Variants in ME3 observed in about 807,000 individuals in gnomAD.
ME3 encodes the protein NADP-dependent malic enzyme, mitochondrial.
Under a neutral mutation model 68.9 loss-of-function variants are expected in ME3, and 48 were observed. The ratio of observed to expected loss-of-function variants is 0.70; its 90% CI spans 0.55 to 0.89. The LOEUF is 0.89. Ranked by LOEUF, ME3 falls within the 40% of genes least tolerant of loss-of-function variation. The pLI is 0.00. For missense variants in ME3, 675 were observed against 797.4 expected (o/e 0.85, Z 1.85); for synonymous variants, 320 against 318.8 (o/e 1.00, Z -0.04).
rs147642016 is a variant in ME3 at position 86,445,380 on chromosome 11, G to A, written c.1554+934C>T. ...CTGGTGCATGAGGTAGCTCCCTGTG[G>A]GACTCACAGAAGTGGATCCAGACAG... On this transcript the variant is annotated intron_variant, in intron 13 of 14. Transcript: ENST00000543262. Among the ~76,000 whole-genome samples the A allele has an allele frequency of 8.5e-3, 1,299 of 152,316 alleles. 15 individuals are homozygous for A. Among genetic ancestry groups the A allele is most frequent in the Middle Eastern group, 0.017 (5 of 294 alleles).
intron 6 of ME3, among the ~76,000 whole-genome samples, chr11:86,497,311 TAAATG>T (rs1171489020): frequency 1.3e-5 from 2 of 152,086 alleles, no homozygotes; most frequent in Non-Finnish European, 2.9e-5. Context: ...ATCTCAAAGA[TAAATG>T]TAATTAAGAG....
At chr11:86,501,732 G>C (rs966742589) in intron 5 of ME3, among the ~76,000 whole-genome samples, 1 of 152,186 alleles carries the variant, frequency 6.6e-6, no homozygotes, top group Non-Finnish European at 1.5e-5. Flanking sequence ...AAAACGTCCA[G>C]TCTTCTTTGA....
In ME3 at chr11:86,559,837, GA is replaced by G. The variant is rs1479636528; in HGVS notation, c.184-15del. ...AAAGGCCATCCCCTGGGAAAAACAGGAAAAGAACACCCACACATAAGTGCAT... is the reference window on the plus strand; with the variant it reads ...AAAGGCCATCCCCTGGGAAAAACAGGAAAGAACACCCACACATAAGTGCAT... On this transcript the variant is annotated splice_polypyrimidine_tract_variant and intron_variant, in intron 2 of 14. Transcript: ENST00000543262. The G allele has an allele frequency of 6.2e-7, 1 of 1,611,578 alleles. No homozygotes were observed. The highest frequency in any genetic ancestry group is 1.1e-5 in the South Asian group (1 of 90,828).
At chr11:86,480,682 G>A (rs1231145474) in intron 7 of ME3, among the ~76,000 whole-genome samples, 1 of 152,222 alleles carries the variant, frequency 6.6e-6, no homozygotes, top group Admixed American at 6.5e-5. Flanking sequence ...GTACCCAGAT[G>A]TGTGAGTGCT....
At chr11:86,560,722 GTGTATGTGTGTGTGTGTGTGTGTGTGTA>G (rs1212688954) in intron 2 of ME3, among the ~76,000 whole-genome samples, 4 of 74,382 alleles carry the variant, frequency 5.4e-5, no homozygotes, top group Non-Finnish European at 7.6e-5. Context: ...GTGTGTGTGT[GTGTATGTGTGTGTGTGTGTGTGTGTGTA>G]TATATATATA....
intron 4 of ME3, among the ~76,000 whole-genome samples, chr11:86,512,127 C>T (rs548051578): frequency 5.9e-5 from 9 of 152,260 alleles, no homozygotes; most frequent in Non-Finnish European, 1.2e-4. Flanking sequence ...CCATGGTCTT[C>T]GTGAATTGCT....
chr11:86,613,435 C>G (rs1389368780), intron 2 of ME3, among the ~76,000 whole-genome samples: 2 of 152,212 alleles, frequency 1.3e-5, no homozygotes, highest in Non-Finnish European at 2.9e-5. Flanking sequence ...TCTCTCACCA[C>G]TACTTTTCAA....
At chr11:86,628,876 T>C (rs557932927) in intron 2 of ME3, among the ~76,000 whole-genome samples, 29 of 152,280 alleles carry the variant, frequency 1.9e-4, no homozygotes, top group African/African-American at 6.5e-4. Flanking sequence ...AAACGTTACA[T>C]GGAGAGAAAC....
At chr11:86,616,974 T>TAAGG (rs143147903) in intron 2 of ME3, among the ~76,000 whole-genome samples, 10,437 of 148,840 alleles carry the variant, frequency 0.07, 439 homozygotes, top group East Asian at 0.14. Context: ...GAAAACTGGG[T>TAAGG]AAGGGGTATA....
At chr11:86,589,342 G>A (rs1958922654) in intron 2 of ME3, among the ~76,000 whole-genome samples, 1 of 152,096 alleles carries the variant, frequency 6.6e-6, no homozygotes, top group Non-Finnish European at 1.5e-5. Flanking sequence ...AATGGGGGTA[G>A]GGTTGGGGGA....
At chr11:86,470,316 A>G (rs1950715884) in intron 7 of ME3, among the ~76,000 whole-genome samples, 1 of 151,958 alleles carries the variant, frequency 6.6e-6, no homozygotes, top group African/African-American at 2.4e-5. Flanking sequence ...AAAAAAACCC[A>G]CATGCAAGAC....
intron 2 of ME3, among the ~76,000 whole-genome samples, chr11:86,619,295 G>A (rs1565224143): frequency 6.6e-6 from 1 of 152,154 alleles, no homozygotes; most frequent in Non-Finnish European, 1.5e-5. Flanking sequence ...AATCTTGTTG[G>A]TGAAAAATAC....
chr11:86,647,616 A>AT (rs1945112205), intron 2 of ME3, among the ~76,000 whole-genome samples: 2 of 152,340 alleles, frequency 1.3e-5, no homozygotes, highest in South Asian at 4.1e-4. Flanking sequence ...CTAGTCTCTG[A>AT]TAAAAAAAGA....
chr11:86,514,221 C>T (rs1264228549), intron 4 of ME3, among the ~76,000 whole-genome samples: 2 of 152,134 alleles, frequency 1.3e-5, no homozygotes, highest in East Asian at 3.9e-4. Context: ...TGAGGCCTCC[C>T]CAGCCATGTG....
rs200933632 is a variant in ME3, at chr11:86,447,256, C to G, written c.1238-49G>C. 5 of 1,592,034 alleles carry G rather than the reference C, an allele frequency of 3.1e-6. No individual in the cohort carries two copies. The East Asian group carries it at 1.1e-4, about 36-fold the overall frequency. On this transcript the variant is annotated intron_variant, in intron 11 of 14. Transcript: ENST00000543262. ...GGGATGCCTGCTCTCTATAAACAACCCATTCCTCTTCTGCTGGTGGTGGTG... is the reference window on the plus strand; with the variant it reads ...GGGATGCCTGCTCTCTATAAACAACGCATTCCTCTTCTGCTGGTGGTGGTG...
Position 86,475,902 on chromosome 11 carries a change from A to AGAGAG in ME3, c.810-10703_810-10702insCTCTC, listed in dbSNP as rs1565830505. On this transcript the variant is annotated intron_variant, in intron 7 of 14. Coordinates refer to ENST00000543262, the Ensembl canonical transcript of ME3. ...AGAGAGAGAGAGAGAGAGAGAGAGA[A>AGAGAG]AGAGAAAGAGAGAGAGAGAGAGCAG... Among the ~76,000 whole-genome samples, 246 of 93,166 alleles carry AGAGAG rather than the reference A, an allele frequency of 2.6e-3. 3 individuals are homozygous for AGAGAG. Among genetic ancestry groups the AGAGAG allele is most frequent in the African/African-American group, 9.4e-3 (216 of 22,978 alleles). 61.1% of individuals were successfully genotyped at this position (93,166 alleles called of 152,430 possible).
intron 4 of ME3, among the ~76,000 whole-genome samples, chr11:86,521,625 A>C (rs1256207671): frequency 6.6e-6 from 1 of 152,138 alleles, no homozygotes; most frequent in African/African-American, 2.4e-5. Context: ...AGAGACACAG[A>C]ATTTCATGCT....
At chr11:86,660,041 G>T (rs1252110485) in intron 2 of ME3, among the ~76,000 whole-genome samples, 2 of 152,152 alleles carry the variant, frequency 1.3e-5, no homozygotes, top group African/African-American at 4.8e-5. Context: ...CTCTTTAAAT[G>T]ACACTTGAAT....
chr11:86,525,876 A>T (rs1954700107), intron 4 of ME3, among the ~76,000 whole-genome samples: 1 of 151,876 alleles, frequency 6.6e-6, no homozygotes, highest in African/African-American at 2.4e-5. Context: ...AAAAAAAAAA[A>T]AAAGGAGAGG....
Sources: gnomAD v4.1 joint callset for allele counts (sites outside exome capture counted in the v4.1 genomes callset) on GRCh38, gnomAD v4.1.1 for gene constraint, MANE v1.5 for transcripts, NCBI Gene and HGNC (gene_info 2026-07-23, HGNC 2026-07-21) for gene names.